Variants in ATF7IP2 observed in about 807,000 individuals in gnomAD.
ATF7IP2 encodes the protein activating transcription factor 7-interacting protein 2.
In ATF7IP2, 42 loss-of-function variants were observed where a neutral mutation model predicts 64.2. The observed-to-expected ratio is 0.65, with a 90% CI of 0.51 to 0.85. The LOEUF is 0.85. Ranked by LOEUF, ATF7IP2 falls within the 40% of genes least tolerant of loss-of-function variation. The pLI is 0.00. For synonymous variants in ATF7IP2, 308 were observed against 272.8 expected (o/e 1.13, Z -1.27); for missense variants, 933 against 784.2 (o/e 1.19, Z -2.27).
At chr16:10,464,584 G>A (rs1324080134) in intron 9 of ATF7IP2, among the ~76,000 whole-genome samples, 1 of 152,168 alleles carries the variant, frequency 6.6e-6, no homozygotes, top group Non-Finnish European at 1.5e-5. Flanking sequence ...ATGCCTTTAT[G>A]TGCAATTACT....
At chr16:10,425,497 C>T (rs1015294086) in intron 3 of ATF7IP2, among the ~76,000 whole-genome samples, 3 of 151,776 alleles carry the variant, frequency 2.0e-5, no homozygotes, top group Non-Finnish European at 2.9e-5. Flanking sequence ...TAAATTAAGG[C>T]TTTAATATGG....
At chr16:10,475,722 G>GAAAAAAAAAAAAAAAAAAAAAACAA (rs2049982063) in intron 12 of ATF7IP2, among the ~76,000 whole-genome samples, 2 of 41,640 alleles carry the variant, frequency 4.8e-5, no homozygotes, top group Admixed American at 3.0e-4. Flanking sequence ...TAAGAAGCCA[G>GAAAAAAAAAAAAAAAAAAAAAACAA]AAAAAAAAAA....
At chr16:10,438,767 A>G (rs1406215857) in intron 7 of ATF7IP2, among the ~76,000 whole-genome samples, 2 of 152,154 alleles carry the variant, frequency 1.3e-5, no homozygotes, top group African/African-American at 4.8e-5. Flanking sequence ...ATACTTAGGC[A>G]GCTTCGGCCA....
At chr16:10,416,363 T>C (rs950843065) in intron 2 of ATF7IP2, among the ~76,000 whole-genome samples, 2 of 152,244 alleles carry the variant, frequency 1.3e-5, no homozygotes, top group Non-Finnish European at 2.9e-5. Context: ...AAGGCACACT[T>C]ATGTTCTCAC....
intron 1 of ATF7IP2, among the ~76,000 whole-genome samples, chr16:10,407,648 A>T (rs2047670416): frequency 6.6e-6 from 1 of 152,156 alleles, no homozygotes; most frequent in Non-Finnish European, 1.5e-5. Context: ...TATTTTTAAA[A>T]TTTTTTATTT....
At position 10,480,869 on chromosome 16, in the gene ATF7IP2, T is replaced by G. The variant is rs760500745; in HGVS notation, c.1550-10T>G. 1 of 1,582,840 alleles carries G rather than the reference T, an allele frequency of 6.3e-7. No homozygotes were observed. The highest frequency in any genetic ancestry group is 1.3e-5 in the African/African-American group (1 of 74,158). On this transcript the variant is annotated splice_polypyrimidine_tract_variant and intron_variant, in intron 12 of 13. Coordinates refer to ENST00000562102, the MANE Select transcript of ATF7IP2 (RefSeq NM_001393719.1). ...TAAGATTTACTTCTTAAACCTTGTG[T>G]TGTTCACAGAAAGTCCAGTATCCCC...
intron 8 of ATF7IP2, among the ~76,000 whole-genome samples, chr16:10,451,855 C>T (rs2048995729): frequency 6.6e-6 from 1 of 151,882 alleles, no homozygotes; most frequent in Non-Finnish European, 1.5e-5. Flanking sequence ...AGTTCAAGAC[C>T]ACCCTAGCCA....
At chr16:10,440,873 T>C (rs1234114738) in intron 8 of ATF7IP2, among the ~76,000 whole-genome samples, 1 of 152,134 alleles carries the variant, frequency 6.6e-6, no homozygotes, top group Admixed American at 6.5e-5. Flanking sequence ...CTACATTAGG[T>C]ATTTCTCCTA....
intron 2 of ATF7IP2, among the ~76,000 whole-genome samples, chr16:10,418,177 T>C (rs559121138): frequency 1.3e-3 from 195 of 152,338 alleles, no homozygotes; most frequent in African/African-American, 4.4e-3. Context: ...TGGCTAGTTA[T>C]CTGCAGCAGG....
chr16:10,413,272 G>T (rs1277042444), intron 1 of ATF7IP2, among the ~76,000 whole-genome samples: 4 of 152,144 alleles, frequency 2.6e-5, no homozygotes, highest in Non-Finnish European at 5.9e-5. Context: ...ATTGAAACAT[G>T]GGGACCAGTC....
At chr16:10,425,225 GTT>G (rs35528504) in intron 3 of ATF7IP2, among the ~76,000 whole-genome samples, 2,248 of 134,700 alleles carry the variant, frequency 0.017, 70 homozygotes, top group Admixed American at 0.078. Flanking sequence ...TGCCTGGCTA[GTT>G]TTTTTTTTTT....
chr16:10,432,645 G>C (rs11074842), intron 5 of ATF7IP2, among the ~76,000 whole-genome samples: 1,869 of 152,274 alleles, frequency 0.012, 39 homozygotes, highest in African/African-American at 0.042. Context: ...GAGGCAGGTG[G>C]ATCACCTGAG....
Position 10,451,155 on chromosome 16 carries a change from T to C in ATF7IP2, c.1195-6217T>C, listed in dbSNP as rs188797269. Among the ~76,000 whole-genome samples, 657 of 152,354 alleles carry C rather than the reference T, an allele frequency of 4.3e-3. 2 individuals carry two copies. Among genetic ancestry groups the C allele is most frequent in the African/African-American group, 0.015 (605 of 41,598 alleles). The stretch of plus-strand genomic sequence containing the variant: ...TTGAATATTGGCCCCCACTCTCTTC[T>C]GGCTTGTAGGGTTTCTGCAGAGAGA... On this transcript the variant is annotated intron_variant, in intron 8 of 13. Transcript: ENST00000562102.
chr16:10,425,153 G>A (rs1018769285), intron 3 of ATF7IP2, among the ~76,000 whole-genome samples: 2 of 150,906 alleles, frequency 1.3e-5, no homozygotes, highest in Non-Finnish European at 2.9e-5. Context: ...CTGCCTCCCG[G>A]GTTCAAGCGA....
intron 8 of ATF7IP2, among the ~76,000 whole-genome samples, chr16:10,455,115 A>G (rs1162693406): frequency 1.3e-5 from 2 of 152,224 alleles, no homozygotes; most frequent in African/African-American, 4.8e-5. Context: ...GATGGAAAAA[A>G]TGGTCCCTGC....
At chr16:10,396,145 A>G (rs2047415200) in intron 1 of ATF7IP2, among the ~76,000 whole-genome samples, 1 of 152,208 alleles carries the variant, frequency 6.6e-6, no homozygotes, top group Non-Finnish European at 1.5e-5. Flanking sequence ...GATTGAGGAA[A>G]GCATATATAA....
rs1333513847 is a variant in ATF7IP2, at chr16:10,431,104, T to C, written c.484T>C (p.Cys162Arg). 1.9e-6 allele frequency: 3 copies of C among 1,614,072 alleles called. No individual in the cohort carries two copies. The highest frequency in any genetic ancestry group is 2.2e-5 in the East Asian group (1 of 44,890). ...ATCCCTTTTTGAGCATGAGGGGGCTTGTAGTCTAAAGTCCAGTTGCTGTCC... is the reference window on the plus strand; with the variant it reads ...ATCCCTTTTTGAGCATGAGGGGGCTCGTAGTCTAAAGTCCAGTTGCTGTCC... ...TRSLFEHEGA[C>R]SLKSSCCPPS... Residue 162 changes from cysteine (C) to arginine (R), a missense_variant, in exon 5 of 14, where the codon TGT becomes CGT. Coordinates refer to ENST00000562102, the MANE Select transcript of ATF7IP2 (RefSeq NM_001393719.1).
At chr16:10,449,102 A>G (rs1457246310) in intron 8 of ATF7IP2, 1 of 152,022 alleles carries the variant, frequency 6.6e-6, no homozygotes, top group East Asian at 1.9e-4. Context: ...TGTTTATGTG[A>G]TGGATTAAGT....
At chr16:10,455,440 C>T (rs539624380) in intron 8 of ATF7IP2, among the ~76,000 whole-genome samples, 2 of 152,336 alleles carry the variant, frequency 1.3e-5, no homozygotes, top group East Asian at 3.9e-4. Flanking sequence ...CTTAGTAAAA[C>T]TGATTTCCAA....
Sources: allele counts gnomAD v4.1 joint callset (sites outside exome capture counted in the v4.1 genomes callset), GRCh38; gene constraint gnomAD v4.1.1; transcripts MANE v1.5; gene names NCBI Gene and HGNC (gene_info 2026-07-23, HGNC 2026-07-21).